Variants in LAPTM4A observed in about 807,000 individuals in gnomAD.
LAPTM4A encodes lysosomal-associated transmembrane protein 4A.
In LAPTM4A, 19 loss-of-function variants were observed where a neutral mutation model predicts 29.9. The ratio of observed to expected loss-of-function variants is 0.64; its 90% CI spans 0.44 to 0.93. The LOEUF is 0.93. LAPTM4A is among the 40% of genes least tolerant of loss of function. LAPTM4A has a pLI of 0.00. For missense variants in LAPTM4A, 293 were observed against 288.5 expected, an observed-to-expected ratio of 1.02 and a Z score of -0.11; for synonymous variants, 105 against 102.1, an observed-to-expected ratio of 1.03 and a Z score of -0.17.
chr2:20,045,766 A>C (rs1408530484), intron 1 of LAPTM4A, among the ~76,000 whole-genome samples: 1 of 152,172 alleles, frequency 6.6e-6, no homozygotes, highest in Non-Finnish European at 1.5e-5. Context: ...TCACTGCCAC[A>C]CCTATTCCAG....
At chr2:20,044,339 T>C (rs1282367526) in intron 1 of LAPTM4A, among the ~76,000 whole-genome samples, 1 of 152,240 alleles carries the variant, frequency 6.6e-6, no homozygotes, top group East Asian at 1.9e-4. Context: ...AAACACAGCA[T>C]AGTCACAGTG....
chr2:20,034,257 C>G (rs1048505025), intron 6 of LAPTM4A, 60 bp downstream of exon 6: 1 of 1,124,954 alleles, frequency 8.9e-7, no homozygotes, highest in African/African-American at 1.5e-5. Flanking sequence ...GCTCCAGGTT[C>G]TTCTCCTGGA....
intron 4 of LAPTM4A, among the ~76,000 whole-genome samples, chr2:20,036,216 C>T (rs191598573): frequency 4.9e-4 from 72 of 147,502 alleles, no homozygotes; most frequent in Middle Eastern, 3.6e-3. Flanking sequence ...CCACCTTTCT[C>T]CAGGCTTCCC....
At chr2:20,036,188 C>T (rs1673672953) in intron 4 of LAPTM4A, among the ~76,000 whole-genome samples, 1 of 44 alleles carries the variant, frequency 0.023, no homozygotes. Flanking sequence ...CTGACCAGGC[C>T]AACAGCCCTG....
At chr2:20,043,517 C>T (rs1286162268) in intron 1 of LAPTM4A, among the ~76,000 whole-genome samples, 2 of 152,114 alleles carry the variant, frequency 1.3e-5, no homozygotes, top group Non-Finnish European at 2.9e-5. Context: ...TGTCGGCCAG[C>T]TATCGATAGT....
intron 2 of LAPTM4A, among the ~76,000 whole-genome samples, chr2:20,037,834 G>A (rs372947987): frequency 1.3e-5 from 2 of 151,478 alleles, no homozygotes; most frequent in South Asian, 2.1e-4. Context: ...TTGTTAAATC[G>A]CTCCAACGAC....
At position 20,049,141 on chromosome 2, in the gene LAPTM4A, G is replaced by A. The variant is rs1674000464; in HGVS notation, c.111+2269C>T. ...TGATACCATAAATATCTTAAGGGCA[G>A]ATGCTGTGTTAGACAAGAAACATTT... On this transcript the variant is annotated intron_variant, in intron 1 of 6. Transcript: ENST00000175091. Among the ~76,000 whole-genome samples, 5 of 152,298 alleles carry A rather than the reference G, an allele frequency of 3.3e-5. No homozygotes were observed. The South Asian group carries it at 1.0e-3, about 32-fold the overall frequency.
chr2:20,046,406 T>C (rs367770633), intron 1 of LAPTM4A, among the ~76,000 whole-genome samples: 1 of 152,120 alleles, frequency 6.6e-6, no homozygotes, highest in East Asian at 1.9e-4. Context: ...CAACTGAGTA[T>C]TCACAATATT....
chr2:20,035,930 G>A (rs762157534), intron 4 of LAPTM4A, among the ~76,000 whole-genome samples: 9 of 150,922 alleles, frequency 6.0e-5, no homozygotes, highest in Non-Finnish European at 1.2e-4. Flanking sequence ...AATCCCAAAG[G>A]ACTGAAAAAA....
In LAPTM4A at chr2:20,033,172, G is replaced by C; in HGVS notation, c.*33C>G. 3 of 1,537,306 alleles carry C rather than the reference G, an allele frequency of 2.0e-6. No individual in the cohort carries two copies. Among genetic ancestry groups the C allele is most frequent in the Non-Finnish European group, 2.7e-6 (3 of 1,110,146 alleles). On this transcript the variant is annotated 3_prime_UTR_variant, in exon 7 of 7. Coordinates refer to ENST00000175091, the MANE Select transcript of LAPTM4A (RefSeq NM_014713.5). ...CTGTAACATAAACAAACAAAAAGCT[G>C]GTATAGGATTTATTGTCAAAGGCAG...
At chr2:20,034,849 T>A in intron 5 of LAPTM4A, 118 bp downstream of exon 5, 1 of 729,978 alleles carries the variant, frequency 1.4e-6, no homozygotes, top group Non-Finnish European at 2.4e-6. Context: ...TGTGCCAGAA[T>A]AAACACTGTC....
intron 1 of LAPTM4A, among the ~76,000 whole-genome samples, chr2:20,047,393 G>C (rs370619386): frequency 1.1e-5 from 1 of 94,132 alleles, no homozygotes; most frequent in East Asian, 3.4e-4. Flanking sequence ...TCTCAAAAAA[G>C]AAAAAAAAAA....
chr2:20,037,688 C>T, intron 2 of LAPTM4A, 74 bp from the exon 3 acceptor site: 1 of 909,954 alleles, frequency 1.1e-6, no homozygotes, highest in Non-Finnish European at 1.6e-6. Flanking sequence ...TTAAAGCTAG[C>T]TTTAAAATAT....
In LAPTM4A at chr2:20,037,581, A is replaced by G; in HGVS notation, c.266T>C (p.Leu89Pro). The change falls in exon 3 of 7, where the codon CTT (leucine) becomes CCT (proline). Residue 89 changes from leucine (L) to proline (P), a missense_variant. Transcript: ENST00000175091. ...CAGCATTGAACTGATTATAAACATA[A>G]GAACAGAGACGGCAAAAAGAACACA... ...NACVLFAVSV[L>P]MFIISSMLVY... The G allele has an allele frequency of 6.2e-7, 1 of 1,609,858 alleles. No homozygotes were observed. The highest frequency in any genetic ancestry group is 8.5e-7 in the Non-Finnish European group (1 of 1,178,316).
intron 1 of LAPTM4A, among the ~76,000 whole-genome samples, chr2:20,042,463 G>C (rs2103498392): frequency 6.6e-6 from 1 of 152,292 alleles, no homozygotes; most frequent in East Asian, 1.9e-4. Flanking sequence ...TGTGGATTCT[G>C]ACACACTACA....
Position 20,051,545 on chromosome 2 carries a change from G to C in LAPTM4A, c.-25C>G, listed in dbSNP as rs1464490974. ...TCGTAACAGGCGGGCCTCCTTCTTGGCCGGGCCCCTGACAAACGTTCTCCA... is the reference window on the plus strand; with the variant it reads ...TCGTAACAGGCGGGCCTCCTTCTTGCCCGGGCCCCTGACAAACGTTCTCCA... On this transcript the variant is annotated 5_prime_UTR_variant, in exon 1 of 7. Coordinates refer to ENST00000175091, the MANE Select transcript of LAPTM4A (RefSeq NM_014713.5). The C allele has an allele frequency of 6.8e-7, 1 of 1,469,402 alleles. No homozygotes were observed. The highest frequency in any genetic ancestry group is 9.3e-7 in the Non-Finnish European group (1 of 1,070,062). The allele number at this position is 1,469,402 out of a possible 1,614,324, so 91.0% of individuals were successfully genotyped here.
At chr2:20,036,939 C>T (rs1673690810) in intron 4 of LAPTM4A, among the ~76,000 whole-genome samples, 1 of 152,194 alleles carries the variant, frequency 6.6e-6, no homozygotes, top group Non-Finnish European at 1.5e-5. Context: ...TAGCAAAGGG[C>T]TAAAAACATA....
intron 1 of LAPTM4A, among the ~76,000 whole-genome samples, chr2:20,044,680 C>T (rs1673873291): frequency 6.6e-6 from 1 of 152,218 alleles, no homozygotes; most frequent in Non-Finnish European, 1.5e-5. Flanking sequence ...GTACTAGAGA[C>T]ACTTCAAGTT....
Position 20,040,983 on chromosome 2 carries a change from AG to A in LAPTM4A, c.139del (p.Leu47Ter). On this transcript the variant is annotated frameshift_variant, in exon 2 of 7. Transcript: ENST00000175091. LOFTEE classifies it high-confidence loss of function. ...MVVNLLMAIL[L>X]TVEVTHPNSM... ...GTTTGGATGAGTCACTTCCACAGTCAGCAAAATTGCCATCAATAGGTTTACT... is the reference window on the plus strand; with the variant it reads ...GTTTGGATGAGTCACTTCCACAGTCACAAAATTGCCATCAATAGGTTTACT... 6.2e-7 allele frequency: 1 copy of A among 1,613,922 alleles called. No individual in the cohort carries two copies. The highest frequency in any genetic ancestry group is 1.3e-5 in the African/African-American group (1 of 75,068).
Sources: gnomAD v4.1 joint callset for allele counts (sites outside exome capture counted in the v4.1 genomes callset) on GRCh38, gnomAD v4.1.1 for gene constraint, MANE v1.5 for transcripts, NCBI Gene and HGNC (gene_info 2026-07-23, HGNC 2026-07-21) for gene names.